The following ST8SIA1 variants were observed in gnomAD, a reference collection of about 807,000 sequenced individuals.
The protein encoded by ST8SIA1 is alpha-N-acetylneuraminide alpha-2,8-sialyltransferase.
A neutral mutation model predicts 35.9 loss-of-function variants in ST8SIA1; 16 were observed. The ratio of observed to expected loss-of-function variants is 0.45; its 90% CI spans 0.30 to 0.68. The LOEUF (loss-of-function observed/expected upper bound fraction) is 0.68. Ranked by LOEUF, ST8SIA1 falls within the 30% of genes least tolerant of loss-of-function variation. The pLI is 0.09. For synonymous variants in ST8SIA1, 170 were observed against 169.6 expected (o/e 1.00, Z -0.02); for missense variants, 383 against 453.6 (o/e 0.84, Z 1.41).
At chr12:22,307,117 C>A (rs568094796) in intron 1 of ST8SIA1, among the ~76,000 whole-genome samples, 2 of 152,114 alleles carry the variant, frequency 1.3e-5, no homozygotes, top group Admixed American at 1.3e-4. Flanking sequence ...TGTTTGGTCT[C>A]TGTTTTTTTA....
chr12:22,276,799 GGAGA>G (rs1591841798), intron 2 of ST8SIA1, among the ~76,000 whole-genome samples: 1 of 151,694 alleles, frequency 6.6e-6, no homozygotes, highest in Non-Finnish European at 1.5e-5. Context: ...CAGGAAGAGG[GGAGA>G]GAGAGAGAAA....
chr12:22,203,164 G>A (rs1389763284), intron 4 of ST8SIA1, among the ~76,000 whole-genome samples: 5 of 152,032 alleles, frequency 3.3e-5, no homozygotes, highest in Non-Finnish European at 5.9e-5. Flanking sequence ...CCAGGTAAGA[G>A]GCTGCTAATA....
In ST8SIA1 at chr12:22,201,888, A is replaced by T. The variant is rs761949169; in HGVS notation, c.735T>A (p.Asn245Lys). Residue 245 changes from asparagine (N) to lysine (K), a missense_variant, in exon 5 of 5, where the codon AAT becomes AAA. Transcript: ENST00000396037. The part of the protein sequence containing the change: ...VYYTLSDVGA[N>K]QTVLFANPNF... ...TGGGGTTGGCAAACAGCACTGTTTG[A>T]TTGGCACCAACATCTGACAGTGTAT... 1 of 1,614,002 alleles carries T rather than the reference A, an allele frequency of 6.2e-7. No homozygotes were observed. The highest frequency in any genetic ancestry group is 8.5e-7 in the Non-Finnish European group (1 of 1,179,988).
chr12:22,321,993 A>T (rs1223863349), intron 1 of ST8SIA1, among the ~76,000 whole-genome samples: 2 of 152,242 alleles, frequency 1.3e-5, no homozygotes, highest in African/African-American at 4.8e-5. Context: ...TGTATCTTTC[A>T]GCAAGGTTTT....
At chr12:22,306,785 C>T (rs1318434071) in intron 1 of ST8SIA1, among the ~76,000 whole-genome samples, 2 of 152,122 alleles carry the variant, frequency 1.3e-5, no homozygotes, top group Non-Finnish European at 2.9e-5. Context: ...TCTTTAATAA[C>T]TTCTGCCCTC....
At chr12:22,234,121 G>A (rs754619230) in intron 4 of ST8SIA1, among the ~76,000 whole-genome samples, 2 of 151,892 alleles carry the variant, frequency 1.3e-5, no homozygotes, top group African/African-American at 2.4e-5. Flanking sequence ...TTAGCTGGGC[G>A]TGGTGGTGGG....
At chr12:22,315,548 C>T (rs2135836137) in intron 1 of ST8SIA1, among the ~76,000 whole-genome samples, 1 of 152,202 alleles carries the variant, frequency 6.6e-6, no homozygotes, top group East Asian at 1.9e-4. Flanking sequence ...CGTGCTCCCT[C>T]CTAAAATAAT....
At position 22,332,565 on chromosome 12, in the gene ST8SIA1, T is replaced by C. The variant is rs73089244; in HGVS notation, c.236+1432A>G. ...CTCTTGAGTCCCACAATCAATACTG[T>C]GAAGGAAAGAAAAAATTAACCCTTA... On this transcript the variant is annotated intron_variant, in intron 1 of 4. Coordinates refer to ENST00000396037, the MANE Select transcript of ST8SIA1 (RefSeq NM_003034.4). 5.4e-3 allele frequency among the ~76,000 whole-genome samples: 816 copies of C among 152,204 alleles called. 4 individuals carry two copies. The highest frequency in any genetic ancestry group is 0.017 in the Middle Eastern group (5 of 294).
intron 1 of ST8SIA1, among the ~76,000 whole-genome samples, chr12:22,304,704 T>C (rs538223710): frequency 6.6e-6 from 1 of 152,334 alleles, no homozygotes; most frequent in African/African-American, 2.4e-5. Context: ...TAAAAAAACC[T>C]TTTTTAAAGT....
chr12:22,213,972 G>C (rs1368332868), intron 4 of ST8SIA1, among the ~76,000 whole-genome samples: 4 of 152,152 alleles, frequency 2.6e-5, no homozygotes, highest in African/African-American at 9.7e-5. Context: ...CAGTTTGGGG[G>C]ATTGAATGGC....
chr12:22,270,978 G>C (rs1865906081), intron 2 of ST8SIA1, among the ~76,000 whole-genome samples: 1 of 152,044 alleles, frequency 6.6e-6, no homozygotes, highest in South Asian at 2.1e-4. Context: ...CTATGTATTT[G>C]GCCATACTTG....
chr12:22,334,395 C>A lies in ST8SIA1; in HGVS notation c.-163G>T. ...CTTCGGCCCCGTCGGCCCCAAAGGT[C>A]AGCGCAAGGATTTTTTCAAATGCAA... On this transcript the variant is annotated 5_prime_UTR_variant, in exon 1 of 5. Coordinates refer to ENST00000396037, the MANE Select transcript of ST8SIA1 (RefSeq NM_003034.4). The A allele has an allele frequency of 1.6e-6, 1 of 613,998 alleles. No individual in the cohort carries two copies. The highest frequency in any genetic ancestry group is 2.0e-5 in the South Asian group (1 of 50,574). The allele number at this position is 613,998 out of a possible 1,614,324, so 38.0% of individuals were successfully genotyped here.
intron 1 of ST8SIA1, among the ~76,000 whole-genome samples, chr12:22,315,956 T>A (rs1345845417): frequency 6.6e-6 from 1 of 151,890 alleles, no homozygotes; most frequent in East Asian, 1.9e-4. Context: ...AACCTGCACA[T>A]CCTGTACATG....
At position 22,196,810 on chromosome 12, in the gene ST8SIA1, A is replaced by G. The variant is rs1228188533; in HGVS notation, c.*4742T>C. The G allele has an allele frequency of 6.6e-6, 1 of 152,248 alleles. No homozygotes were observed. Among genetic ancestry groups the G allele is most frequent in the African/African-American group, 2.4e-5 (1 of 41,454 alleles). The allele number at this position is 152,248 out of a possible 1,614,324, so 9.4% of individuals were successfully genotyped here. A position where few individuals can be genotyped will look rare whatever the true frequency, so the allele number is the denominator to read the frequency against. On this transcript the variant is annotated 3_prime_UTR_variant, in exon 5 of 5. Transcript: ENST00000396037. The stretch of plus-strand genomic sequence containing the variant: ...GACAGCACGAGTTTAAGCAAAAACA[A>G]AACAGTTTAAGGCAGTGTAAAATTT...
At chr12:22,267,548 T>A (rs577735459) in intron 2 of ST8SIA1, among the ~76,000 whole-genome samples, 6 of 152,316 alleles carry the variant, frequency 3.9e-5, no homozygotes, top group African/African-American at 1.4e-4. Context: ...TTCCCAGTAT[T>A]CCTGCCTTAA....
intron 4 of ST8SIA1, among the ~76,000 whole-genome samples, chr12:22,209,487 T>C (rs10770899): frequency 0.34 from 52,377 of 152,044 alleles, 10,014 homozygotes; most frequent in East Asian, 0.49. Context: ...ATTAAGGAAA[T>C]TGATAATAAC....
At chr12:22,229,150 T>A in intron 4 of ST8SIA1, among the ~76,000 whole-genome samples, 1 of 144,194 alleles carries the variant, frequency 6.9e-6, no homozygotes, top group Non-Finnish European at 1.5e-5. Context: ...AGGGGAGGGG[T>A]GTTGAAGGAA....
chr12:22,233,201 A>G (rs1038179302), intron 4 of ST8SIA1, among the ~76,000 whole-genome samples: 1 of 152,230 alleles, frequency 6.6e-6, no homozygotes, highest in African/African-American at 2.4e-5. Context: ...CAGGTCATAC[A>G]CAAAAGATCA....
chr12:22,249,313 G>T (rs559420806), intron 3 of ST8SIA1, among the ~76,000 whole-genome samples: 8 of 151,536 alleles, frequency 5.3e-5, no homozygotes, highest in African/African-American at 1.9e-4. Context: ...CCACCTGCCG[G>T]GTTCACGCCA....
Sources: allele counts gnomAD v4.1 joint callset (sites outside exome capture counted in the v4.1 genomes callset), GRCh38; gene constraint gnomAD v4.1.1; transcripts MANE v1.5; gene names NCBI Gene and HGNC (gene_info 2026-07-23, HGNC 2026-07-21).